Variants in MSRA observed in about 807,000 individuals in gnomAD.
MSRA encodes methionine sulfoxide reductase A.
In MSRA, 54 loss-of-function variants were observed where a neutral mutation model predicts 31.3. The observed-to-expected ratio is 1.73, with a 90% CI of 1.39 to 2.17. The LOEUF is 2.17. Ranked by LOEUF, MSRA falls within the 30% of genes most tolerant of loss-of-function variation. The pLI is 0.00. For synonymous variants in MSRA, 169 were observed against 116.5 expected, an observed-to-expected ratio of 1.45 and a Z score of -2.90; for missense variants, 507 against 300.9, an observed-to-expected ratio of 1.69 and a Z score of -5.07.
At chr8:10,264,371 T>C (rs924687553) in intron 3 of MSRA, among the ~76,000 whole-genome samples, 2 of 152,278 alleles carry the variant, frequency 1.3e-5, no homozygotes, top group South Asian at 2.1e-4. Flanking sequence ...TTATAAATTA[T>C]ATGCACATAG....
chr8:10,402,254 C>G (rs1215952899), intron 5 of MSRA, among the ~76,000 whole-genome samples: 2 of 152,202 alleles, frequency 1.3e-5, no homozygotes, highest in African/African-American at 4.8e-5. Flanking sequence ...TGCTCCCAAA[C>G]TGGACAGAAG....
intron 1 of MSRA, among the ~76,000 whole-genome samples, chr8:10,120,593 A>G (rs1801036557): frequency 6.6e-6 from 1 of 152,248 alleles, no homozygotes; most frequent in Admixed American, 6.5e-5. Context: ...TTTGCTGAAC[A>G]TCAAGAATTT....
chr8:10,423,171 G>A (rs1189851548), intron 5 of MSRA, among the ~76,000 whole-genome samples: 1 of 152,208 alleles, frequency 6.6e-6, no homozygotes, highest in Non-Finnish European at 1.5e-5. Context: ...CCACCAGGCT[G>A]CGCATTACCT....
At chr8:10,354,788 T>A (rs1229094540) in intron 5 of MSRA, among the ~76,000 whole-genome samples, 3 of 148,060 alleles carry the variant, frequency 2.0e-5, no homozygotes, top group Non-Finnish European at 4.5e-5. Flanking sequence ...ACCAGTTATA[T>A]AATAAAATGT....
intron 5 of MSRA, among the ~76,000 whole-genome samples, chr8:10,409,226 A>G (rs1306201791): frequency 6.6e-6 from 1 of 152,126 alleles, no homozygotes; most frequent in Non-Finnish European, 1.5e-5. Context: ...CCTTGCCAAC[A>G]TCTGTTATTT....
intron 3 of MSRA, among the ~76,000 whole-genome samples, chr8:10,262,357 T>C (rs1396862552): frequency 6.6e-6 from 1 of 152,252 alleles, no homozygotes; most frequent in Non-Finnish European, 1.5e-5. Flanking sequence ...TGGGAGTTCC[T>C]GTTACTTTAC....
intron 5 of MSRA, among the ~76,000 whole-genome samples, chr8:10,342,334 C>A (rs957030616): frequency 1.3e-5 from 2 of 152,076 alleles, no homozygotes; most frequent in African/African-American, 4.8e-5. Context: ...TAAAAAAACC[C>A]GAACACACAT....
At chr8:10,407,555 G>A (rs1242913153) in intron 5 of MSRA, among the ~76,000 whole-genome samples, 1 of 152,198 alleles carries the variant, frequency 6.6e-6, no homozygotes, top group African/African-American at 2.4e-5. Flanking sequence ...GGTAGCAAAT[G>A]ATGCCGTGTG....
chr8:10,194,844 G>T (rs1469162970), intron 1 of MSRA, among the ~76,000 whole-genome samples: 1 of 152,224 alleles, frequency 6.6e-6, no homozygotes, highest in Non-Finnish European at 1.5e-5. Flanking sequence ...CCTGGGAAGA[G>T]ACTCCTGGGC....
intron 5 of MSRA, among the ~76,000 whole-genome samples, chr8:10,344,963 C>T (rs925201979): frequency 3.3e-5 from 5 of 152,192 alleles, no homozygotes; most frequent in African/African-American, 9.7e-5. Flanking sequence ...TTTGCCTGGA[C>T]TCATTCATGG....
At chr8:10,330,785 A>G (rs1372202858) in intron 5 of MSRA, among the ~76,000 whole-genome samples, 3 of 150,634 alleles carry the variant, frequency 2.0e-5, no homozygotes, top group Non-Finnish European at 4.4e-5. Flanking sequence ...GATTGTCAAC[A>G]AATATCTGTT....
rs56843505 is a variant in MSRA, at chr8:10,344,574, CAAAAAAAAAAAAA to C, written c.543+24602_543+24614del. Among the ~76,000 whole-genome samples, 505 of 64,676 alleles carry C rather than the reference CAAAAAAAAAAAAA, an allele frequency of 7.8e-3. 1 individual carries two copies. Among genetic ancestry groups the C allele is most frequent in the Middle Eastern group, 0.047 (4 of 86 alleles). 42.4% of individuals were successfully genotyped at this position (64,676 alleles called of 152,430 possible). On this transcript the variant is annotated intron_variant, in intron 5 of 5. Coordinates refer to ENST00000317173, the MANE Select transcript of MSRA (RefSeq NM_012331.5). ...TGGGTGACAGAGGGAGACTCCGTCTCAAAAAAAAAAAAAAAAAAAAAAAAAAAAAGCCAGCCAT... is the reference window on the plus strand; with the variant it reads ...TGGGTGACAGAGGGAGACTCCGTCTCAAAAAAAAAAAAAAAAGCCAGCCAT...
intron 5 of MSRA, among the ~76,000 whole-genome samples, chr8:10,390,827 T>A (rs936244880): frequency 6.6e-6 from 1 of 151,848 alleles, no homozygotes; most frequent in Admixed American, 6.6e-5. Context: ...TAAAAAAAAA[T>A]TATCTGGGCG....
chr8:10,222,604 T>C (rs1292371446), intron 2 of MSRA, among the ~76,000 whole-genome samples: 1 of 152,166 alleles, frequency 6.6e-6, no homozygotes, highest in Admixed American at 6.5e-5. Context: ...CATCAGTGGA[T>C]GCATGGATTA....
intron 2 of MSRA, among the ~76,000 whole-genome samples, chr8:10,235,799 A>G (rs577160491): frequency 6.6e-6 from 1 of 152,176 alleles, no homozygotes; most frequent in African/African-American, 2.4e-5. Flanking sequence ...AGGCTAGCCA[A>G]CCAATTTTCT....
intron 3 of MSRA, among the ~76,000 whole-genome samples, chr8:10,251,397 A>G (rs1251967770): frequency 6.6e-6 from 1 of 152,142 alleles, no homozygotes; most frequent in Non-Finnish European, 1.5e-5. Flanking sequence ...TTTTTAGTGC[A>G]TAGTCAGTCT....
At chr8:10,062,583 T>G (rs552247377) in intron 1 of MSRA, among the ~76,000 whole-genome samples, 2 of 152,192 alleles carry the variant, frequency 1.3e-5, no homozygotes, top group Non-Finnish European at 2.9e-5. Context: ...CTGAGCAGTA[T>G]CATGCCAACA....
intron 5 of MSRA, among the ~76,000 whole-genome samples, chr8:10,427,478 C>A (rs1161418701): frequency 6.6e-6 from 1 of 152,194 alleles, no homozygotes; most frequent in Non-Finnish European, 1.5e-5. Context: ...CCACATCCTG[C>A]CCTGCCCTGA....
intron 2 of MSRA, among the ~76,000 whole-genome samples, chr8:10,226,001 T>C (rs1029561705): frequency 2.0e-5 from 3 of 152,214 alleles, no homozygotes; most frequent in African/African-American, 7.2e-5. Context: ...TCAGATTCAC[T>C]GCACAGTAAC....
Sources: allele counts gnomAD v4.1 joint callset (sites outside exome capture counted in the v4.1 genomes callset), GRCh38; gene constraint gnomAD v4.1.1; transcripts MANE v1.5; gene names NCBI Gene and HGNC (gene_info 2026-07-23, HGNC 2026-07-21).